Variants in LSAMP observed in about 807,000 individuals in gnomAD.
The protein encoded by LSAMP is limbic system associated membrane protein.
Under a neutral mutation model 38.6 loss-of-function variants are expected in LSAMP, and 7 were observed. That is an observed-to-expected ratio of 0.18 (90% CI 0.10 to 0.34). The LOEUF is 0.34. LSAMP is among the 10% of genes least tolerant of loss of function. The pLI, the probability that LSAMP is intolerant of heterozygous loss-of-function variation, is 1.00. For synonymous variants in LSAMP, 154 were observed against 166.8 expected (o/e 0.92, Z 0.59); for missense variants, 313 against 420.0 (o/e 0.75, Z 2.23).
chr3:116,109,186 T>G (rs922928844), intron 1 of LSAMP, among the ~76,000 whole-genome samples: 1 of 152,166 alleles, frequency 6.6e-6, no homozygotes, highest in African/African-American at 2.4e-5. Context: ...GCATTAACCT[T>G]GACTATGCCT....
Position 115,831,173 on chromosome 3 carries a change from A to T in LSAMP, c.919+10672T>A, listed in dbSNP as rs116339798. Among the ~76,000 whole-genome samples the T allele has an allele frequency of 2.9e-3, 435 of 152,268 alleles. 3 individuals are homozygous for T. The highest frequency in any genetic ancestry group is 4.7e-3 in the Non-Finnish European group (323 of 68,020). On this transcript the variant is annotated intron_variant, in intron 6 of 6. Transcript: ENST00000490035. ...TGAACAAACCTGGTGCCATGCCTGAACCTGAAAGATAATCTCAACATTTCC... is the reference window on the plus strand; with the variant it reads ...TGAACAAACCTGGTGCCATGCCTGATCCTGAAAGATAATCTCAACATTTCC...
intron 3 of LSAMP, among the ~76,000 whole-genome samples, chr3:115,942,467 G>A (rs1937955954): frequency 6.6e-6 from 1 of 152,132 alleles, no homozygotes; most frequent in East Asian, 1.9e-4. Context: ...ATCTCACACT[G>A]TTACAGAAAC....
intron 1 of LSAMP, among the ~76,000 whole-genome samples, chr3:116,155,639 A>ATG (rs34390923): frequency 6.6e-5 from 10 of 151,402 alleles, no homozygotes; most frequent in African/African-American, 1.2e-4. Context: ...GTGTGTGTAT[A>ATG]TGTGTGTGTG....
chr3:116,156,715 C>T (rs1405172647), intron 1 of LSAMP, among the ~76,000 whole-genome samples: 1 of 151,952 alleles, frequency 6.6e-6, no homozygotes, highest in Middle Eastern at 3.4e-3. Context: ...GAAGAGAGGA[C>T]CAGTATGATG....
intron 1 of LSAMP, among the ~76,000 whole-genome samples, chr3:116,430,425 C>T (rs1268978782): frequency 1.3e-5 from 2 of 151,978 alleles, no homozygotes; most frequent in African/African-American, 4.8e-5. Context: ...TGAGAAATCA[C>T]CCATTTCAAT....
At chr3:116,199,225 A>T (rs2045955183) in intron 1 of LSAMP, among the ~76,000 whole-genome samples, 1 of 152,048 alleles carries the variant, frequency 6.6e-6, no homozygotes, top group African/African-American at 2.4e-5. Flanking sequence ...AAGAAGACTG[A>T]GTAGGAAAGC....
At chr3:116,219,410 C>T (rs767832697) in intron 1 of LSAMP, among the ~76,000 whole-genome samples, 10 of 152,208 alleles carry the variant, frequency 6.6e-5, no homozygotes, top group Non-Finnish European at 1.3e-4. Flanking sequence ...CTGCAATGAA[C>T]ATCGGAGTGC....
chr3:116,237,894 C>A (rs2046486009), intron 1 of LSAMP, among the ~76,000 whole-genome samples: 1 of 152,162 alleles, frequency 6.6e-6, no homozygotes, highest in Non-Finnish European at 1.5e-5. Flanking sequence ...AAATAAATCT[C>A]TTGAGCAGAA....
chr3:116,013,803 A>G (rs1940399051), intron 3 of LSAMP, among the ~76,000 whole-genome samples: 1 of 152,200 alleles, frequency 6.6e-6, no homozygotes, highest in Non-Finnish European at 1.5e-5. Flanking sequence ...AAACCCCTAC[A>G]TCATGATCTC....
At chr3:116,375,175 A>G (rs1215694872) in intron 1 of LSAMP, among the ~76,000 whole-genome samples, 3 of 151,964 alleles carry the variant, frequency 2.0e-5, no homozygotes, top group South Asian at 2.1e-4. Flanking sequence ...AATCATTATT[A>G]TATGCTGACT....
At chr3:116,143,214 TA>T (rs1443438181) in intron 1 of LSAMP, among the ~76,000 whole-genome samples, 2 of 151,844 alleles carry the variant, frequency 1.3e-5, no homozygotes, top group African/African-American at 2.4e-5. Context: ...ATAACGTGAT[TA>T]AAAAATGATT....
intron 3 of LSAMP, among the ~76,000 whole-genome samples, chr3:115,858,529 T>C (rs1363567314): frequency 1.3e-5 from 2 of 152,130 alleles, no homozygotes; most frequent in Admixed American, 6.5e-5. Flanking sequence ...AAGACTTTTA[T>C]AAGTATAGCA....
intron 1 of LSAMP, among the ~76,000 whole-genome samples, chr3:116,202,065 G>C (rs2045994322): frequency 6.6e-6 from 1 of 151,614 alleles, no homozygotes; most frequent in Non-Finnish European, 1.5e-5. Context: ...CTTCAGTCAT[G>C]ACTACCCTTA....
rs34346607 is a variant in LSAMP at position 116,078,277 on chromosome 3, C to CTTTATTTATTTATTTATTTA, written c.388+8027_388+8046dup. On this transcript the variant is annotated intron_variant, in intron 2 of 6. Coordinates refer to ENST00000490035, the MANE Select transcript of LSAMP (RefSeq NM_002338.5). ...ATAATACAAAAGGGCTTTATATCCTCTTTATTTATTTATTTATTTATTTAT... is the reference window on the plus strand; with the variant it reads ...ATAATACAAAAGGGCTTTATATCCTCTTTATTTATTTATTTATTTATTTATTTATTTATTTATTTATTTAT... 7.0e-3 allele frequency among the ~76,000 whole-genome samples: 1,058 copies of CTTTATTTATTTATTTATTTA among 150,168 alleles called. 13 individuals carry two copies. Among genetic ancestry groups the CTTTATTTATTTATTTATTTA allele is most frequent in the African/African-American group, 0.024 (992 of 41,116 alleles).
At chr3:115,815,301 T>G (rs879391698) in intron 6 of LSAMP, among the ~76,000 whole-genome samples, 9 of 152,156 alleles carry the variant, frequency 5.9e-5, no homozygotes, top group African/African-American at 1.7e-4. Context: ...CGTATATAGG[T>G]AGGGTTCTGT....
At chr3:115,922,673 A>T (rs1937409371) in intron 3 of LSAMP, among the ~76,000 whole-genome samples, 1 of 152,064 alleles carries the variant, frequency 6.6e-6, no homozygotes, top group Non-Finnish European at 1.5e-5. Context: ...CATCTTACCC[A>T]GTCTCTATAG....
At chr3:115,990,383 C>G (rs1430633640) in intron 3 of LSAMP, among the ~76,000 whole-genome samples, 2 of 152,042 alleles carry the variant, frequency 1.3e-5, no homozygotes, top group African/African-American at 4.8e-5. Flanking sequence ...ACTTGACAGG[C>G]AGCTTCTGAT....
At chr3:116,086,630 T>A (rs1707995065) in intron 1 of LSAMP, 74 bp from the exon 2 acceptor site, 1 of 1,140,160 alleles carries the variant, frequency 8.8e-7, no homozygotes, top group South Asian at 1.3e-5. Context: ...GTGATCAGAC[T>A]CAACAAGTCT....
intron 2 of LSAMP, among the ~76,000 whole-genome samples, chr3:116,043,378 C>T (rs867173018): frequency 6.6e-6 from 1 of 152,140 alleles, no homozygotes; most frequent in Non-Finnish European, 1.5e-5. Context: ...TGAAAATCAG[C>T]TTAATGCCAA....
Sources: allele counts gnomAD v4.1 joint callset (sites outside exome capture counted in the v4.1 genomes callset), GRCh38; gene constraint gnomAD v4.1.1; transcripts MANE v1.5; gene names NCBI Gene and HGNC (gene_info 2026-07-23, HGNC 2026-07-21).